The following BIN2 variants were observed in gnomAD, a reference collection of about 807,000 sequenced individuals.
BIN2 encodes the protein bridging integrator 2.
BIN2 carries 43 observed loss-of-function variants against 67.9 expected under a neutral mutation model. That is an observed-to-expected ratio of 0.63 (90% CI 0.50 to 0.82). The LOEUF is 0.82. Among genes scored for constraint, BIN2 ranks in the 40% least tolerant of loss-of-function variants. The pLI is 0.00. For synonymous variants in BIN2, 244 were observed against 246.8 expected (o/e 0.99, Z 0.11); for missense variants, 581 against 671.6 (o/e 0.87, Z 1.49).
chr12:51,289,571 A>G (rs529039354), intron 10 of BIN2, among the ~76,000 whole-genome samples: 1 of 152,222 alleles, frequency 6.6e-6, no homozygotes, highest in Non-Finnish European at 1.5e-5. Context: ...AGTCATGATC[A>G]TGCCATTGCA....
chr12:51,295,578 ATATATATATATATATATATAT>A lies in BIN2; in HGVS notation c.761+197_761+217del, dbSNP rs1331507353. Reference sequence around the variant, plus strand: ...ACTCCGTCTCAAAAAAAAAAAAAAAATATATATATATATATATATATATATATATATATATATATATATATA... The same window carrying A: ...ACTCCGTCTCAAAAAAAAAAAAAAAAATATATATATATATATATATATATA... On this transcript the variant is annotated intron_variant, in intron 9 of 12. Transcript: ENST00000615107. Among the ~76,000 whole-genome samples the A allele has an allele frequency of 6.9e-3, 413 of 59,526 alleles. 54 individuals carry two copies. The highest frequency in any genetic ancestry group is 0.045 in the Middle Eastern group (5 of 110). 39.1% of individuals were successfully genotyped at this position (59,526 alleles called of 152,430 possible).
intron 2 of BIN2, 48 bp downstream of exon 2, chr12:51,313,775 G>C: frequency 6.6e-7 from 1 of 1,510,024 alleles, no homozygotes; most frequent in African/African-American, 1.4e-5. Context: ...CTCAGCCCTC[G>C]TGTCTCCTTT....
In BIN2 at chr12:51,288,715, T is replaced by C. The variant is rs1285723563; in HGVS notation, c.1516-527A>G. 3.3e-5 allele frequency among the ~76,000 whole-genome samples: 5 copies of C among 151,566 alleles called. No individual in the cohort carries two copies. The East Asian group carries it at 7.8e-4, about 24-fold the overall frequency. ...TCAGACATTTCACCATAATCCTCTCTACAATGTACCTGACTGGAGATAATC... is the reference window on the plus strand; with the variant it reads ...TCAGACATTTCACCATAATCCTCTCCACAATGTACCTGACTGGAGATAATC... On this transcript the variant is annotated intron_variant, in intron 10 of 12. Transcript: ENST00000615107.
intron 5 of BIN2, among the ~76,000 whole-genome samples, chr12:51,300,940 G>A (rs1945706236): frequency 6.6e-6 from 1 of 152,174 alleles, no homozygotes; most frequent in African/African-American, 2.4e-5. Flanking sequence ...AAATACTAGA[G>A]CCGGGTGCAG....
intron 9 of BIN2, 90 bp downstream of exon 9, chr12:51,295,706 G>A: frequency 2.0e-6 from 2 of 1,010,098 alleles, no homozygotes; most frequent in Non-Finnish European, 3.0e-6. Flanking sequence ...GCACATAAGG[G>A]ACAGGTCAGG....
Position 51,299,600 on chromosome 12 carries a change from G to C in BIN2, c.516+7C>G, listed in dbSNP as rs202182807. On this transcript the variant is annotated splice_region_variant and intron_variant, in intron 6 of 12. Coordinates refer to ENST00000615107, the MANE Select transcript of BIN2 (RefSeq NM_016293.4). ...TTTACCAGTTTTTGTTGTTGTTTTTGTTTTACCTTGGCAGTCTTGGCCTCA... is the reference window on the plus strand; with the variant it reads ...TTTACCAGTTTTTGTTGTTGTTTTTCTTTTACCTTGGCAGTCTTGGCCTCA... 6.2e-7 allele frequency: 1 copy of C among 1,612,940 alleles called. No individual in the cohort carries two copies.
At position 51,292,327 on chromosome 12, in the gene BIN2, A is replaced by G; in HGVS notation, c.779T>C (p.Leu260Ser). ...TGTTCGAACTGGGGGAGAAATGACT[A>G]AAGAGCGCCTGCTGCTGCTAAAAAA... ...KGLSSSSRRS[L>S]VISPPVRTAT... Residue 260 changes from leucine to serine, a missense_variant, in exon 10 of 13, where the codon TTA becomes TCA. Leu to Ser is a moderately radical substitution (Grantham distance 145). Coordinates refer to ENST00000615107, the MANE Select transcript of BIN2 (RefSeq NM_016293.4). 2 of 1,580,496 alleles carry G rather than the reference A, an allele frequency of 1.3e-6. No individual in the cohort carries two copies. Among genetic ancestry groups the G allele is most frequent in the East Asian group, 4.5e-5 (2 of 44,496 alleles).
intron 7 of BIN2, among the ~76,000 whole-genome samples, chr12:51,298,222 CTT>C (rs1945621529): frequency 1.3e-5 from 2 of 152,116 alleles, no homozygotes; most frequent in African/African-American, 4.8e-5. Context: ...AATACAAAAA[CTT>C]AGCTGGACTT....
intron 8 of BIN2, among the ~76,000 whole-genome samples, chr12:51,296,560 A>G (rs542404485): frequency 4.8e-4 from 73 of 152,294 alleles, no homozygotes; most frequent in African/African-American, 1.7e-3. Flanking sequence ...CTTTAGCCAA[A>G]TAAACTATGG....
At chr12:51,288,296 C>T (rs538773535) in intron 10 of BIN2, 108 bp from the exon 11 acceptor site, 16 of 840,732 alleles carry the variant, frequency 1.9e-5, no homozygotes, top group African/African-American at 6.7e-5. Flanking sequence ...AGGAGGCTCC[C>T]GAGGTAGCCT....
At chr12:51,312,836 G>A (rs1166041780) in intron 2 of BIN2, among the ~76,000 whole-genome samples, 1 of 152,142 alleles carries the variant, frequency 6.6e-6, no homozygotes, top group Non-Finnish European at 1.5e-5. Flanking sequence ...TTTCCCAAAT[G>A]ATTCTGATAT....
intron 12 of BIN2, 128 bp from the exon 13 acceptor site, chr12:51,281,656 G>A: frequency 1.1e-6 from 1 of 915,600 alleles, no homozygotes; most frequent in East Asian, 2.5e-5. Flanking sequence ...TCTTGAGGGA[G>A]GCAATGTGAA....
chr12:51,300,152 T>G (rs1163639324), intron 5 of BIN2, among the ~76,000 whole-genome samples: 1 of 152,048 alleles, frequency 6.6e-6, no homozygotes, highest in Non-Finnish European at 1.5e-5. Context: ...TTTCACTTTC[T>G]AATAGGGTTT....
chr12:51,302,408 G>A (rs1363926205), intron 4 of BIN2: 2 of 523,062 alleles, frequency 3.8e-6, no homozygotes, highest in Non-Finnish European at 6.8e-6. Context: ...CATGAAGTTT[G>A]TTTTAAAAAA....
rs759778513 is a variant in BIN2 at position 51,291,724 on chromosome 12, G to T, written c.1382C>A (p.Thr461Asn). Residue 461 changes from threonine (T) to asparagine (N), a missense_variant, in exon 10 of 13, where the codon ACC becomes AAC. Transcript: ENST00000615107. ...TGGATTAGGAGAGACCTCTAGGGAG[G>T]TCCTAGGACTTGCAGTCCCAGTCCC... ...SLGTGTASPR[T>N]SLEVSPNPEP... is the part of the protein sequence containing the mutation. The T allele has an allele frequency of 3.1e-6, 5 of 1,613,660 alleles. No individual in the cohort carries two copies. Among genetic ancestry groups the T allele is most frequent in the Non-Finnish European group, 4.2e-6 (5 of 1,179,724 alleles).
intron 2 of BIN2, among the ~76,000 whole-genome samples, chr12:51,310,493 T>C (rs1199309124): frequency 2.0e-5 from 3 of 152,138 alleles, no homozygotes; most frequent in Non-Finnish European, 4.4e-5. Flanking sequence ...ATGATTCTGG[T>C]TTTTTTAAAA....
chr12:51,315,362 C>T (rs367559852), intron 1 of BIN2, among the ~76,000 whole-genome samples: 7 of 152,150 alleles, frequency 4.6e-5, no homozygotes, highest in East Asian at 1.9e-4. Flanking sequence ...TTAGTAGAAA[C>T]GGGGTTTCAC....
chr12:51,295,447 C>T (rs1448668522), intron 9 of BIN2, among the ~76,000 whole-genome samples: 2 of 147,870 alleles, frequency 1.4e-5, no homozygotes, highest in Admixed American at 6.7e-5. Context: ...CCTGTAGTCC[C>T]AGCTACTCAG....
Position 51,291,864 on chromosome 12 carries a change from A to G in BIN2, c.1242T>C (p.Pro414=). 1.2e-6 allele frequency: 2 copies of G among 1,614,000 alleles called. No individual in the cohort carries two copies. The highest frequency in any genetic ancestry group is 1.7e-6 in the Non-Finnish European group (2 of 1,179,962). ...TGGCTCTGGGTGGAGGAGGCCTACT[A>G]GGGGGTGCTGAGGTCCTCTGGATAG... ...RASIQRTSAP[P]SRPPPPRATA... is the part of the protein sequence containing the mutation. Residue 414 remains proline, a synonymous_variant, in exon 10 of 13, where the codon CCT becomes CCC. Coordinates refer to ENST00000615107, the MANE Select transcript of BIN2 (RefSeq NM_016293.4).
Sources: allele counts gnomAD v4.1 joint callset (sites outside exome capture counted in the v4.1 genomes callset), GRCh38; gene constraint gnomAD v4.1.1; transcripts MANE v1.5; gene names NCBI Gene and HGNC (gene_info 2026-07-23, HGNC 2026-07-21).